The following TYW1B variants were observed in gnomAD, a reference collection of about 807,000 sequenced individuals.
TYW1B encodes the protein S-adenosyl-L-methionine-dependent tRNA 4-demethylwyosine synthase TYW1B.
Under a neutral mutation model 86.9 loss-of-function variants are expected in TYW1B, and 73 were observed. That is an observed-to-expected ratio of 0.84 (90% CI 0.70 to 1.02). The LOEUF (loss-of-function observed/expected upper bound fraction) is 1.02. Ranked by LOEUF, TYW1B falls within the 50% of genes least tolerant of loss-of-function variation. The pLI is 0.00. For synonymous variants in TYW1B, 248 were observed against 292.8 expected (o/e 0.85, Z 1.56); for missense variants, 637 against 827.4 (o/e 0.77, Z 2.82).
intron 9 of TYW1B, among the ~76,000 whole-genome samples, chr7:72,722,069 T>C (rs782153859): frequency 6.6e-5 from 10 of 152,338 alleles, no homozygotes; most frequent in Non-Finnish European, 1.0e-4. Flanking sequence ...CAACAACCTG[T>C]CCTGACTAAA....
chr7:72,628,398 A>T (rs1812405448), intron 12 of TYW1B, among the ~76,000 whole-genome samples: 1 of 152,236 alleles, frequency 6.6e-6, no homozygotes, highest in South Asian at 2.1e-4. Flanking sequence ...GTTTGCTTTA[A>T]AATAATCTGG....
chr7:72,714,363 T>G (rs1311629438), intron 9 of TYW1B, among the ~76,000 whole-genome samples: 3 of 152,122 alleles, frequency 2.0e-5, no homozygotes, highest in Non-Finnish European at 4.4e-5. Flanking sequence ...ACACCTGTAT[T>G]CCCAGCACTT....
intron 9 of TYW1B, among the ~76,000 whole-genome samples, chr7:72,719,830 A>G (rs1477695589): frequency 2.6e-5 from 4 of 152,070 alleles, no homozygotes; most frequent in African/African-American, 7.2e-5. Context: ...AAGACGGAAG[A>G]GCATTCCAGT....
intron 6 of TYW1B, among the ~76,000 whole-genome samples, chr7:72,790,422 T>C (rs1422280111): frequency 1.3e-5 from 2 of 152,142 alleles, no homozygotes; most frequent in African/African-American, 4.8e-5. Context: ...CAATCATGCC[T>C]AGCTAATGAT....
chr7:72,793,589 C>G (rs1412390708), intron 6 of TYW1B, among the ~76,000 whole-genome samples: 1 of 151,598 alleles, frequency 6.6e-6, no homozygotes, highest in Non-Finnish European at 1.5e-5. Context: ...TACTAAATCT[C>G]TACTAAACAT....
intron 10 of TYW1B, among the ~76,000 whole-genome samples, chr7:72,708,958 C>T (rs1436990544): frequency 6.6e-6 from 1 of 152,170 alleles, no homozygotes; most frequent in African/African-American, 2.4e-5. Flanking sequence ...AGATAATTCA[C>T]ATCTTTCATT....
At chr7:72,679,808 G>A (rs140317423) in intron 11 of TYW1B, among the ~76,000 whole-genome samples, 323 of 152,172 alleles carry the variant, frequency 2.1e-3, no homozygotes, top group African/African-American at 7.2e-3. Context: ...TGTTACTTAC[G>A]GAGTTATACA....
chr7:72,659,212 G>C (rs781953284), intron 11 of TYW1B, among the ~76,000 whole-genome samples: 7 of 152,206 alleles, frequency 4.6e-5, no homozygotes, highest in Non-Finnish European at 1.0e-4. Context: ...AGCTAGCAAG[G>C]AGGAAGGCAG....
intron 13 of TYW1B, among the ~76,000 whole-genome samples, chr7:72,611,102 C>T (rs1811923106): frequency 6.6e-6 from 1 of 152,024 alleles, no homozygotes; most frequent in South Asian, 2.1e-4. Flanking sequence ...TGTTCTGTTT[C>T]TGCTTAAATG....
At position 72,684,508 on chromosome 7, in the gene TYW1B, T is replaced by A. The variant is rs560960766; in HGVS notation, c.1506+10179A>T. On this transcript the variant is annotated intron_variant, in intron 11 of 13. Coordinates refer to ENST00000620995, the MANE Select transcript of TYW1B (RefSeq NM_001145440.3). ...TCAACACTGAGAGAGAAATACTTTTTCAGACAACCGGAAACTGGGGGAATT... is the reference window on the plus strand; with the variant it reads ...TCAACACTGAGAGAGAAATACTTTTACAGACAACCGGAAACTGGGGGAATT... 3.3e-5 allele frequency among the ~76,000 whole-genome samples: 5 copies of A among 152,236 alleles called. No homozygotes were observed. The East Asian group carries it at 7.7e-4, about 23-fold the overall frequency.
intron 8 of TYW1B, among the ~76,000 whole-genome samples, chr7:72,731,393 C>CAAAAAAA (rs59262388): frequency 3.6e-4 from 12 of 33,028 alleles, no homozygotes; most frequent in Admixed American, 1.3e-3. Context: ...TACCAAACTG[C>CAAAAAAA]AAAAAAAAAA....
At chr7:72,642,248 T>C (rs1292155889) in intron 11 of TYW1B, among the ~76,000 whole-genome samples, 3 of 152,172 alleles carry the variant, frequency 2.0e-5, no homozygotes, top group East Asian at 1.9e-4. Context: ...ATAAAACTCT[T>C]GGATGAAAAC....
At chr7:72,647,460 A>C (rs1290021513) in intron 11 of TYW1B, among the ~76,000 whole-genome samples, 1 of 152,186 alleles carries the variant, frequency 6.6e-6, no homozygotes, top group Admixed American at 6.6e-5. Context: ...TGATGACAAG[A>C]TGTTCAATCC....
chr7:72,578,710 T>C (rs1303412481), intron 13 of TYW1B, among the ~76,000 whole-genome samples: 1 of 152,188 alleles, frequency 6.6e-6, no homozygotes, highest in Non-Finnish European at 1.5e-5. Flanking sequence ...CCCAGTTACA[T>C]ACATTTAGAA....
At chr7:72,807,482 T>C (rs1788521258) in intron 4 of TYW1B, 126 bp from the exon 5 acceptor site, 7 of 1,302,810 alleles carry the variant, frequency 5.4e-6, no homozygotes, top group South Asian at 4.7e-5. Context: ...AAAGAGGAAA[T>C]TGCTGGCAAA....
intron 13 of TYW1B, among the ~76,000 whole-genome samples, chr7:72,610,762 A>C (rs1240075342): frequency 2.6e-5 from 4 of 152,132 alleles, no homozygotes; most frequent in African/African-American, 9.7e-5. Context: ...CAGGCACACA[A>C]CACCACAGCT....
chr7:72,602,384 G>C (rs1811686675), intron 13 of TYW1B, among the ~76,000 whole-genome samples: 2 of 152,226 alleles, frequency 1.3e-5, no homozygotes, highest in African/African-American at 4.8e-5. Flanking sequence ...GATCCATCGG[G>C]GGATGGATTA....
chr7:72,701,953 A>G (rs1366967262), intron 10 of TYW1B, among the ~76,000 whole-genome samples: 9 of 152,192 alleles, frequency 5.9e-5, no homozygotes, highest in Admixed American at 5.9e-4. Flanking sequence ...AAGAACCAAG[A>G]GCACAGGGCC....
chr7:72,617,993 T>C (rs1229598701), intron 12 of TYW1B, among the ~76,000 whole-genome samples: 5 of 152,216 alleles, frequency 3.3e-5, no homozygotes, highest in Admixed American at 6.5e-5. Flanking sequence ...AAATAAATCT[T>C]ACCTCTGTGG....
Sources: allele counts gnomAD v4.1 joint callset (sites outside exome capture counted in the v4.1 genomes callset), GRCh38; gene constraint gnomAD v4.1.1; transcripts MANE v1.5; gene names NCBI Gene and HGNC (gene_info 2026-07-23, HGNC 2026-07-21).